The following DNAH2 variants were observed in gnomAD, a reference collection of about 807,000 sequenced individuals.
DNAH2 encodes axonemal beta dynein heavy chain 2.
A neutral mutation model predicts 523.5 loss-of-function variants in DNAH2; 323 were observed. The observed-to-expected ratio is 0.62, with a 90% CI of 0.56 to 0.68. DNAH2 has a LOEUF of 0.68. DNAH2 is among the 30% of genes least tolerant of loss of function. DNAH2 has a pLI of 0.00. For missense variants in DNAH2, 4,907 were observed against 5,701.5 expected (o/e 0.86, Z 4.49); for synonymous variants, 2,093 against 2,177.4 (o/e 0.96, Z 1.08).
In DNAH2 at chr17:7,767,994, C is replaced by T. The variant is rs146089473; in HGVS notation, c.3770C>T (p.Thr1257Met). ...ACTGGCCGGTTCCTGATCCTGCAGA[C>T]GGAAACCATGGAGACCACGGCCCAC... is the stretch of plus-strand genomic sequence containing the variant. ...WKTGRFLILQ[T>M]ETMETTAHGL... The change falls in exon 23 of 86, where the codon ACG becomes ATG. Residue 1257 changes from threonine to methionine, a missense_variant. Physicochemically the swap from Thr to Met is moderately conservative, Grantham distance 81. Around this residue, in one of 3 missense-constraint regions of DNAH2, gnomAD observed 2,806 missense variants for 3,190.8 expected, o/e 0.88. Transcript: ENST00000572933. The T allele has an allele frequency of 4.3e-5, 70 of 1,614,132 alleles. No individual in the cohort carries two copies. In the African/African-American group the frequency reaches 4.7e-4, roughly 11 times the overall value.
chr17:7,818,002 C>T lies in DNAH2; in HGVS notation c.10293C>T (p.Ala3431=). ...MSDYLRILEH[A]IHFGYPVLLQ... is the part of the protein sequence containing the mutation. ...ATTACCTGCGAATCCTAGAACACGCCATTCACTTTGGATACCCGGTGCTAC... is the reference window on the plus strand; with the variant it reads ...ATTACCTGCGAATCCTAGAACACGCTATTCACTTTGGATACCCGGTGCTAC... Residue 3431 remains alanine (A), a synonymous_variant, in exon 68 of 86, where the codon GCC becomes GCT. Coordinates refer to ENST00000572933, the MANE Select transcript of DNAH2 (RefSeq NM_020877.5). 6.2e-7 allele frequency: 1 copy of T among 1,614,142 alleles called. No homozygotes were observed. Among genetic ancestry groups the T allele is most frequent in the Non-Finnish European group, 8.5e-7 (1 of 1,180,026 alleles).
At chr17:7,761,066 G>A (rs1382545887) in intron 18 of DNAH2, 134 bp downstream of exon 18, 1 of 1,115,556 alleles carries the variant, frequency 9.0e-7, no homozygotes, top group African/African-American at 1.6e-5. Context: ...GAAAAGAACA[G>A]GACCTAGGAC....
In DNAH2 at chr17:7,719,701, C is replaced by G. The variant is rs921959581; in HGVS notation, c.-14-20C>G. 2.9e-5 allele frequency: 47 copies of G among 1,613,978 alleles called. No individual in the cohort carries two copies. The highest frequency in any genetic ancestry group is 4.0e-5 in the Non-Finnish European group (47 of 1,180,040). ...GGGGTGGTATCTGCTTGTAGACTCT[C>G]CACTCCTGTATACCTGTAGGTTTTG... is the stretch of plus-strand genomic sequence containing the variant. On this transcript the variant is annotated intron_variant, in intron 1 of 85. Transcript: ENST00000572933.
At chr17:7,797,102 A>G in intron 50 of DNAH2, 74 bp from the exon 51 acceptor site, 1 of 152,798 alleles carries the variant, frequency 6.5e-6, no homozygotes, top group Non-Finnish European at 1.1e-5. Context: ...ACTCTGTCCC[A>G]AAAAAAAAAA....
At position 7,805,288 on chromosome 17, in the gene DNAH2, A is replaced by G; in HGVS notation, c.9337A>G (p.Ile3113Val). The G allele has an allele frequency of 6.2e-7, 1 of 1,614,152 alleles. No homozygotes were observed. Among genetic ancestry groups the G allele is most frequent in the East Asian group, 2.2e-5 (1 of 44,886 alleles). ...ESLNKKDIGE[I>V]KSYGRPPAQV... ...TCTGAACAAGAAGGATATAGGAGAG[A>G]TCAAGTCTTATGGACGGCCCCCAGC... The change falls in exon 61 of 86, where the codon ATC becomes GTC. Residue 3113 changes from isoleucine (I) to valine (V), a missense_variant. Ile to Val is a conservative substitution (Grantham distance 29). Transcript: ENST00000572933.
In DNAH2 at chr17:7,781,176, T is replaced by C; in HGVS notation, c.6129+9T>C. The C allele has an allele frequency of 1.2e-6, 2 of 1,614,142 alleles. No homozygotes were observed. The highest frequency in any genetic ancestry group is 1.7e-6 in the Non-Finnish European group (2 of 1,180,020). ...TCATTGACTATGGCAAGGTATTTGT[T>C]CCTTAATACTCTCCCTGACCGGGTG... On this transcript the variant is annotated intron_variant, in intron 39 of 85. Transcript: ENST00000572933.
chr17:7,812,768 A>C (rs80105755), intron 63 of DNAH2, among the ~76,000 whole-genome samples: 1 of 13,266 alleles, frequency 7.5e-5, no homozygotes, highest in Admixed American at 2.0e-3. Flanking sequence ...TAAAAATACC[A>C]AAAAAAAAAA....
At chr17:7,759,200 C>T (rs2075934370) in intron 15 of DNAH2, 76 bp downstream of exon 15, 3 of 1,582,104 alleles carry the variant, frequency 1.9e-6, no homozygotes, top group Non-Finnish European at 2.6e-6. Flanking sequence ...TTCTCTTGCT[C>T]CCCGACCCTT....
At chr17:7,747,706 CG>C (rs2075557319) in intron 12 of DNAH2, among the ~76,000 whole-genome samples, 1 of 152,164 alleles carries the variant, frequency 6.6e-6, no homozygotes, top group Non-Finnish European at 1.5e-5. Context: ...TGGCGAAACA[CG>C]TCTTCCAGAT....
At chr17:7,816,486 T>C in intron 63 of DNAH2, 85 bp from the exon 64 acceptor site, 3 of 1,503,690 alleles carry the variant, frequency 2.0e-6, no homozygotes, top group Non-Finnish European at 2.7e-6. Flanking sequence ...AAATGGCAGC[T>C]ACAAAATGGC....
In DNAH2 at chr17:7,742,949, C is replaced by A; in HGVS notation, c.1711C>A (p.Leu571Met). 6.8e-7 allele frequency: 1 copy of A among 1,468,428 alleles called. No homozygotes were observed. The highest frequency in any genetic ancestry group is 2.6e-5 in the Admixed American group (1 of 37,816). The allele number at this position is 1,468,428 out of a possible 1,614,324, so 91.0% of individuals were successfully genotyped here. ...VMTCLAGAHFLPRIGTGKESV... is the reference protein window; with the variant it reads ...VMTCLAGAHFMPRIGTGKESV... ...TCAGTGCCTTGCTGGTGCTCATTTC[C>A]TGCCCCGTATTGGGACTGGAAAGGA... The change falls in exon 12 of 86, where the codon CTG (leucine) becomes ATG (methionine). Residue 571 changes from leucine (L) to methionine (M), a missense_variant. This residue lies in a region of DNAH2 where 2,806 missense variants were observed against 3,190.8 expected (regional missense o/e 0.88). Coordinates refer to ENST00000572933, the MANE Select transcript of DNAH2 (RefSeq NM_020877.5).
intron 77 of DNAH2, among the ~76,000 whole-genome samples, chr17:7,829,183 T>C (rs1214462731): frequency 1.3e-5 from 2 of 152,056 alleles, no homozygotes; most frequent in East Asian, 3.9e-4. Flanking sequence ...CCTGGCTAAT[T>C]TTTGTATTTT....
intron 8 of DNAH2, chr17:7,738,116 A>C (rs1193494212): frequency 1.4e-6 from 1 of 703,342 alleles, no homozygotes; most frequent in Non-Finnish European, 2.6e-6. Flanking sequence ...GCAGATGCAC[A>C]TCCAGTATGA....
chr17:7,743,277 A>AT, intron 12 of DNAH2, 135 bp downstream of exon 12: 1 of 1,026,870 alleles, frequency 9.7e-7, no homozygotes, highest in East Asian at 2.6e-5. Context: ...TCGTCATTTT[A>AT]CTTTTTTTTT....
chr17:7,798,285 G>C lies in DNAH2; in HGVS notation c.8359G>C (p.Glu2787Gln). 1 of 1,613,552 alleles carries C rather than the reference G, an allele frequency of 6.2e-7. No homozygotes were observed. The highest frequency in any genetic ancestry group is 8.5e-7 in the Non-Finnish European group (1 of 1,179,548). ...CTGCGACTACACCACCTTCCAGATCGAGGTCACCAAACATTATCGGAAGCA... is the reference window on the plus strand; with the variant it reads ...CTGCGACTACACCACCTTCCAGATCCAGGTCACCAAACATTATCGGAAGCA... ...SICDYTTFQI[E>Q]VTKHYRKQEF... The change falls in exon 54 of 86, where the codon GAG (glutamate) becomes CAG (glutamine). Residue 2787 changes from glutamate to glutamine, a missense_variant. Physicochemically the swap from Glu to Gln is conservative, Grantham distance 29 (BLOSUM62 2). Transcript: ENST00000572933. The surrounding 1 kb of genome is among the most constrained non-coding windows in gnomAD (Gnocchi z 5.5).
intron 25 of DNAH2, 55 bp from the exon 26 acceptor site, chr17:7,770,502 G>C: frequency 1.2e-6 from 2 of 1,613,380 alleles, no homozygotes; most frequent in South Asian, 2.2e-5. Flanking sequence ...CTCAGCTCCT[G>C]TTCCCCTTAG....
intron 7 of DNAH2, among the ~76,000 whole-genome samples, chr17:7,735,612 TA>T (rs2075119531): frequency 6.6e-6 from 1 of 151,766 alleles, no homozygotes; most frequent in African/African-American, 2.4e-5. Context: ...CTAACTGTTG[TA>T]TTTTTTGTAG....
rs138956072 is a variant in DNAH2, at chr17:7,770,633, G to A, written c.4175G>A (p.Arg1392Gln). 32 of 1,614,018 alleles carry A rather than the reference G, an allele frequency of 2.0e-5. No homozygotes were observed. In the African/African-American group the frequency reaches 2.0e-4, roughly 10 times the overall value. ...CCCTACAAGGATAAGGGCCATCATC[G>A]GCTCAGGTCAGGGGAGCTGGGGCTC... ...IVPYKDKGHH[R>Q]LRGTEEVFQA... Residue 1392 changes from arginine to glutamine, a missense_variant, in exon 26 of 86, where the codon CGG (arginine) becomes CAG (glutamine). Around this residue, in one of 3 missense-constraint regions of DNAH2, gnomAD observed 2,806 missense variants for 3,190.8 expected, o/e 0.88. Coordinates refer to ENST00000572933, the MANE Select transcript of DNAH2 (RefSeq NM_020877.5).
At position 7,831,590 on chromosome 17, in the gene DNAH2, C is replaced by G. The variant is rs771092802; in HGVS notation, c.12611+49C>G. On this transcript the variant is annotated intron_variant, in intron 81 of 85. Coordinates refer to ENST00000572933, the MANE Select transcript of DNAH2 (RefSeq NM_020877.5). The surrounding 1 kb of genome is among the most constrained non-coding windows in gnomAD (Gnocchi z 4.2). ...GAACAGGGGAGGGTGTGAGGAGAAG[C>G]CTTTGCCTTCTGGCTAGAATGACGT... The G allele has an allele frequency of 2.5e-6, 4 of 1,613,498 alleles. No homozygotes were observed. Among genetic ancestry groups the G allele is most frequent in the South Asian group, 2.2e-5 (2 of 91,052 alleles).
Sources: allele counts gnomAD v4.1 joint callset (sites outside exome capture counted in the v4.1 genomes callset), GRCh38; gene constraint gnomAD v4.1.1; regional missense constraint gnomAD v4.1.1; non-coding constraint Gnocchi (gnomAD v3.1); transcripts MANE v1.5; gene names NCBI Gene and HGNC (gene_info 2026-07-23, HGNC 2026-07-21).